ASXL2: variants seen among roughly 807,000 people sequenced by gnomAD.
The protein encoded by ASXL2 is ASXL transcriptional regulator 2, also known as putative Polycomb group protein ASXL2.
In ASXL2, 23 loss-of-function variants were observed where a neutral mutation model predicts 122.0. The observed-to-expected ratio is 0.19, with a 90% confidence interval of 0.14 to 0.27. The LOEUF (loss-of-function observed/expected upper bound fraction) is 0.27, where lower values mean the gene tolerates loss of function less well. Among genes scored for constraint, ASXL2 ranks in the 10% least tolerant of loss-of-function variants. ASXL2 has a pLI of 1.00. For missense variants in ASXL2, 1,518 were observed against 1,713.8 expected (o/e 0.89, Z 2.02); for synonymous variants, 650 against 637.0 (o/e 1.02, Z -0.31).
At chr2:25,825,577 A>G (rs2089366132) in intron 3 of ASXL2, among the ~76,000 whole-genome samples, 1 of 152,144 alleles carries the variant, frequency 6.6e-6, no homozygotes, top group Admixed American at 6.5e-5. Flanking sequence ...CACTTAGCAC[A>G]ATGTCTTCAA....
chr2:25,820,437 T>C (rs1365777454), intron 3 of ASXL2, among the ~76,000 whole-genome samples: 1 of 152,206 alleles, frequency 6.6e-6, no homozygotes, highest in East Asian at 1.9e-4. Context: ...GAGAAAAGTC[T>C]ATACAACAAT....
rs754644578 is a variant in ASXL2 at position 25,743,870 on chromosome 2, C to T, written c.2467G>A (p.Gly823Arg). The change falls in exon 13 of 13, where the codon GGG becomes AGG. Residue 823 changes from glycine (G) to arginine (R), a missense_variant. Transcript: ENST00000435504. ...ATVASVSHPQ[G>R]PSSCRQEKAP... ...TTCTCCTGTCTGCAACTACTGGGCC[C>T]TTGTGGATGGCTGACAGAGGCCACT... 51 of 1,613,992 alleles carry T rather than the reference C, an allele frequency of 3.2e-5. No homozygotes were observed. The South Asian group carries it at 5.5e-4, about 17-fold the overall frequency.
rs1177912629 is a variant in ASXL2 at position 25,733,906 on chromosome 2, G to A, written c.*8123C>T. 3.3e-5 allele frequency: 5 copies of A among 152,162 alleles called. No homozygotes were observed. Among genetic ancestry groups the A allele is most frequent in the Non-Finnish European group, 7.3e-5 (5 of 68,028 alleles). 9.4% of individuals were successfully genotyped at this position (152,162 alleles called of 1,614,324 possible). A position where few individuals can be genotyped will look rare whatever the true frequency, so the allele number is the denominator to read the frequency against. ...TGACAGGAAAGAAGACAATAGTGAG[G>A]AGCTAAAAGGCAGAGTTTATTTGTC... On this transcript the variant is annotated 3_prime_UTR_variant, in exon 13 of 13. Transcript: ENST00000435504.
intron 5 of ASXL2, among the ~76,000 whole-genome samples, chr2:25,782,774 G>GT (rs1311102184): frequency 6.6e-6 from 1 of 152,154 alleles, no homozygotes; most frequent in Non-Finnish European, 1.5e-5. Flanking sequence ...TAGAAGTTAT[G>GT]TTTTTTATTC....
At chr2:25,871,277 G>A (rs1553707925) in intron 1 of ASXL2, among the ~76,000 whole-genome samples, 1 of 152,128 alleles carries the variant, frequency 6.6e-6, no homozygotes, top group Non-Finnish European at 1.5e-5. Context: ...CCTCCTTCCA[G>A]ACAGCTTTCG....
At position 25,756,052 on chromosome 2, in the gene ASXL2, T is replaced by A. The variant is rs772875795; in HGVS notation, c.1002A>T (p.Ser334=). The change falls in exon 10 of 13, where the codon TCA becomes TCT. Residue 334 remains serine, a synonymous_variant. Transcript: ENST00000435504. ...GSALNNEFFT[S]AAQGWKERLS... ...GTCTTTCCTTCCAGCCTTGGGCTGC[T>A]GAAGTGAAGAATTCATTGTTAAGGG... 1 of 1,613,422 alleles carries A rather than the reference T, an allele frequency of 6.2e-7. No homozygotes were observed. The highest frequency in any genetic ancestry group is 1.1e-5 in the South Asian group (1 of 91,012).
At chr2:25,754,395 G>C (rs1207409435) in intron 10 of ASXL2, among the ~76,000 whole-genome samples, 1 of 152,096 alleles carries the variant, frequency 6.6e-6, no homozygotes, top group African/African-American at 2.4e-5. Context: ...AGGAATAAGA[G>C]GTAGAAATGG....
chr2:25,815,627 C>G (rs2089223941), intron 3 of ASXL2, among the ~76,000 whole-genome samples: 1 of 152,024 alleles, frequency 6.6e-6, no homozygotes, highest in Admixed American at 6.6e-5. Context: ...ACAATTCAAC[C>G]CAAAATATCC....
intron 3 of ASXL2, chr2:25,810,661 C>G: frequency 1.3e-6 from 1 of 767,252 alleles, no homozygotes; most frequent in Non-Finnish European, 2.2e-6. Flanking sequence ...AGCCATGGTG[C>G]CCACCCAGCT....
intron 5 of ASXL2, among the ~76,000 whole-genome samples, chr2:25,798,002 G>T (rs1051441292): frequency 7.2e-5 from 11 of 152,224 alleles, no homozygotes; most frequent in Non-Finnish European, 1.6e-4. Context: ...TTCAGTAGGT[G>T]AATGTATAAA....
chr2:25,776,607 C>T (rs1280310307), intron 5 of ASXL2, among the ~76,000 whole-genome samples: 1 of 152,206 alleles, frequency 6.6e-6, no homozygotes, highest in Non-Finnish European at 1.5e-5. Flanking sequence ...ACTATTTTTA[C>T]AATTCCACCA....
chr2:25,759,135 A>G (rs1032497970), intron 9 of ASXL2, among the ~76,000 whole-genome samples: 4 of 151,990 alleles, frequency 2.6e-5, no homozygotes, highest in African/African-American at 9.7e-5. Context: ...TTGTATTTTT[A>G]GTAGAGACAG....
chr2:25,801,559 T>C (rs1417107001), intron 4 of ASXL2, among the ~76,000 whole-genome samples: 1 of 152,222 alleles, frequency 6.6e-6, no homozygotes, highest in Non-Finnish European at 1.5e-5. Context: ...TTTATAGAGT[T>C]AGTTGTCAGC....
rs1005501782 is a variant in ASXL2, at chr2:25,736,735, T to C, written c.*5294A>G. The C allele has an allele frequency of 1.3e-5, 2 of 152,126 alleles. No homozygotes were observed. The highest frequency in any genetic ancestry group is 2.9e-5 in the Non-Finnish European group (2 of 68,020). 9.4% of individuals were successfully genotyped at this position (152,126 alleles called of 1,614,324 possible). A position where few individuals can be genotyped will look rare whatever the true frequency, so the allele number is the denominator to read the frequency against. ...GAAAGTAACCACAGCTGGGCAATTA[T>C]GGGAACTAGTGAACTACAATAAAAA... is the stretch of plus-strand genomic sequence containing the variant. On this transcript the variant is annotated 3_prime_UTR_variant, in exon 13 of 13. Coordinates refer to ENST00000435504, the MANE Select transcript of ASXL2 (RefSeq NM_018263.6).
At chr2:25,808,623 C>T (rs894290350) in intron 3 of ASXL2, among the ~76,000 whole-genome samples, 28 of 152,176 alleles carry the variant, frequency 1.8e-4, no homozygotes, top group Admixed American at 1.2e-3. Flanking sequence ...TTAGCCACTG[C>T]GCCTGGCCAA....
At chr2:25,755,989 C>T (rs778990010) in intron 10 of ASXL2, 29 bp downstream of exon 10, 1 of 1,575,318 alleles carries the variant, frequency 6.3e-7, no homozygotes. Flanking sequence ...CACACACCAC[C>T]TGGGAGACAC....
In ASXL2 at chr2:25,749,732, C is replaced by T. The variant is rs1444685863; in HGVS notation, c.1824G>A (p.Gly608=). ...GTACTTTTCGCACCTGGATTCTGTC[C>T]CCTCTATTGAGAAAGGGCTGTGGTG... is the stretch of plus-strand genomic sequence containing the variant. ...QVSPQPFLNR[G]DRIQVRKVPP... The change falls in exon 12 of 13, where the codon GGG becomes GGA. Residue 608 remains glycine, a synonymous_variant. Transcript: ENST00000435504. 6.5e-7 allele frequency: 1 copy of T among 1,541,418 alleles called. No homozygotes were observed. The highest frequency in any genetic ancestry group is 1.4e-5 in the African/African-American group (1 of 71,894).
chr2:25,751,539 TG>T (rs2088045222), intron 11 of ASXL2, among the ~76,000 whole-genome samples: 1 of 150,966 alleles, frequency 6.6e-6, no homozygotes, highest in African/African-American at 2.4e-5. Context: ...GAGGCTGAGG[TG>T]GAAGGACTGC....
chr2:25,866,134 CTTT>C (rs779728638), intron 1 of ASXL2, among the ~76,000 whole-genome samples: 6 of 141,296 alleles, frequency 4.2e-5, no homozygotes, highest in Non-Finnish European at 6.2e-5. Context: ...TTTCTTTTTT[CTTT>C]TTTTTTTTTT....
Sources: allele counts gnomAD v4.1 joint callset (sites outside exome capture counted in the v4.1 genomes callset), GRCh38; gene constraint gnomAD v4.1.1; transcripts MANE v1.5; gene names NCBI Gene and HGNC (gene_info 2026-07-23, HGNC 2026-07-21).